The following WIPI2 variants were observed in gnomAD, a reference collection of about 807,000 sequenced individuals.
The protein encoded by WIPI2 is WD repeat domain, phosphoinositide interacting 2.
A neutral mutation model predicts 52.3 loss-of-function variants in WIPI2; 28 were observed. The observed-to-expected ratio is 0.54, with a 90% CI of 0.40 to 0.73. WIPI2 has a LOEUF of 0.73. Ranked by LOEUF, WIPI2 falls within the 30% of genes least tolerant of loss-of-function variation. WIPI2 has a pLI of 0.00. For synonymous variants in WIPI2, 268 were observed against 245.0 expected, an observed-to-expected ratio of 1.09 and a Z score of -0.88; for missense variants, 506 against 602.9, an observed-to-expected ratio of 0.84 and a Z score of 1.68.
chr7:5,228,532 G>T (rs1456045189), intron 11 of WIPI2, among the ~76,000 whole-genome samples: 4 of 152,220 alleles, frequency 2.6e-5, no homozygotes, highest in Non-Finnish European at 4.4e-5. Context: ...TTCCTCCCCA[G>T]GGTGGAGTTT....
intron 3 of WIPI2, among the ~76,000 whole-genome samples, chr7:5,207,557 C>A (rs1015715555): frequency 1.3e-5 from 2 of 152,060 alleles, no homozygotes; most frequent in Non-Finnish European, 2.9e-5. Flanking sequence ...CTTTGTAGTT[C>A]AGCTATTATG....
In WIPI2 at chr7:5,232,658, G is replaced by C; in HGVS notation, c.*1711G>C. ...GCCTTGACCCACGCCTGCGTCTTGT[G>C]GTGCAAGGCCAGAGGGCTCTCTCTA... On this transcript the variant is annotated 3_prime_UTR_variant, in exon 13 of 13. Coordinates refer to ENST00000288828, the MANE Select transcript of WIPI2 (RefSeq NM_015610.4). The C allele has an allele frequency of 4.5e-6, 1 of 223,364 alleles. No individual in the cohort carries two copies. The highest frequency in any genetic ancestry group is 8.7e-6 in the Non-Finnish European group (1 of 114,936). The allele number at this position is 223,364 out of a possible 1,614,324, so 13.8% of individuals were successfully genotyped here. A position where few individuals can be genotyped will look rare whatever the true frequency, so the allele number is the denominator to read the frequency against.
intron 1 of WIPI2, among the ~76,000 whole-genome samples, chr7:5,192,752 C>A (rs1010419364): frequency 6.6e-6 from 1 of 152,150 alleles, no homozygotes. Context: ...TAGAGAAGTT[C>A]CCGGAGAGAG....
At chr7:5,194,046 C>T (rs1346874535) in intron 2 of WIPI2, among the ~76,000 whole-genome samples, 2 of 152,212 alleles carry the variant, frequency 1.3e-5, no homozygotes, top group Non-Finnish European at 2.9e-5. Context: ...ACCCACAGGA[C>T]GTGCATCATG....
chr7:5,215,284 T>C (rs1450719760), intron 4 of WIPI2, among the ~76,000 whole-genome samples: 23 of 152,112 alleles, frequency 1.5e-4, no homozygotes, highest in Admixed American at 1.5e-3. Context: ...GCACTCCAGC[T>C]TGGGCAACAA....
chr7:5,210,681 G>GA (rs1204578454), intron 3 of WIPI2, among the ~76,000 whole-genome samples: 3 of 151,970 alleles, frequency 2.0e-5, no homozygotes, highest in Admixed American at 6.5e-5. Context: ...CCTATTCTTT[G>GA]AAAAAAAATA....
chr7:5,190,257 C>CATA lies in WIPI2; in HGVS notation c.-161_-159dup. 2.8e-6 allele frequency: 1 copy of CATA among 353,468 alleles called. No individual in the cohort carries two copies. Among genetic ancestry groups the CATA allele is most frequent in the Non-Finnish European group, 4.7e-6 (1 of 212,362 alleles). 21.9% of individuals were successfully genotyped at this position (353,468 alleles called of 1,614,324 possible). A position where few individuals can be genotyped will look rare whatever the true frequency, so the allele number is the denominator to read the frequency against. On this transcript the variant is annotated 5_prime_UTR_variant, in exon 1 of 13. Transcript: ENST00000288828. ...CGTACCGGGTGCCCCGGCTCTGGAGCATAAACAAGAGCGGGGACGGGATGA... is the reference window on the plus strand; with the variant it reads ...CGTACCGGGTGCCCCGGCTCTGGAGCATAATAAACAAGAGCGGGGACGGGATGA...
rs116475854 is a variant in WIPI2, at chr7:5,226,502, G to A, written c.848+572G>A. The A allele has an allele frequency of 2.5e-3, 379 of 153,972 alleles. 2 individuals carry two copies. Among genetic ancestry groups the A allele is most frequent in the African/African-American group, 8.4e-3 (347 of 41,534 alleles). 9.5% of individuals were successfully genotyped at this position (153,972 alleles called of 1,614,324 possible). On this transcript the variant is annotated intron_variant, in intron 9 of 12. Coordinates refer to ENST00000288828, the MANE Select transcript of WIPI2 (RefSeq NM_015610.4). ...CTCCTGAGTACCTGGGACTATAGGC[G>A]TGCACCATGCCTGGCTAATTTTTAA...
intron 4 of WIPI2, among the ~76,000 whole-genome samples, chr7:5,215,782 A>G (rs1483886635): frequency 6.8e-6 from 1 of 146,916 alleles, no homozygotes. Context: ...CAACTAATGT[A>G]GAGCTGGTCA....
intron 6 of WIPI2, chr7:5,217,444 A>G (rs1782872832): frequency 8.5e-6 from 4 of 472,040 alleles, no homozygotes; most frequent in African/African-American, 2.0e-5. Flanking sequence ...AGTTACAGTC[A>G]TGCAACACCA....
chr7:5,198,145 C>G (rs1454468033), intron 2 of WIPI2, among the ~76,000 whole-genome samples: 1 of 152,148 alleles, frequency 6.6e-6, no homozygotes, highest in Non-Finnish European at 1.5e-5. Context: ...CCTTTGATTC[C>G]AGACTCTAAG....
intron 3 of WIPI2, among the ~76,000 whole-genome samples, chr7:5,203,655 C>T (rs1199486800): frequency 2.8e-5 from 3 of 106,608 alleles, no homozygotes; most frequent in South Asian, 3.0e-4. Context: ...TTTTTTGAGA[C>T]GGAGTGTCGC....
At position 5,190,313 on chromosome 7, in the gene WIPI2, C is replaced by T. The variant is rs960217903; in HGVS notation, c.-107C>T. The T allele has an allele frequency of 1.3e-5, 9 of 684,840 alleles. No individual in the cohort carries two copies. Among genetic ancestry groups the T allele is most frequent in the African/African-American group, 1.9e-5 (1 of 52,316 alleles). 42.4% of individuals were successfully genotyped at this position (684,840 alleles called of 1,614,324 possible). A position where few individuals can be genotyped will look rare whatever the true frequency, so the allele number is the denominator to read the frequency against. ...CGGTTGATCCCAGGGTGGCGAGTGG[C>T]GGCGACCGAGGCGGCGAGCGGGGCC... On this transcript the variant is annotated 5_prime_UTR_variant, in exon 1 of 13. Coordinates refer to ENST00000288828, the MANE Select transcript of WIPI2 (RefSeq NM_015610.4).
chr7:5,223,195 C>T (rs568762812), intron 8 of WIPI2, among the ~76,000 whole-genome samples: 1 of 152,352 alleles, frequency 6.6e-6, no homozygotes, highest in African/African-American at 2.4e-5. Flanking sequence ...GGAGGCAGGA[C>T]TGTCCCTCCC....
Position 5,214,509 on chromosome 7 carries a change from G to C in WIPI2, c.212-26G>C, listed in dbSNP as rs553454488. ...GCCATAGCCATGTGGAGATGTTCAC[G>C]CATGTACTTCCCTTTGTGATTTCAG... is the stretch of plus-strand genomic sequence containing the variant. On this transcript the variant is annotated intron_variant, in intron 3 of 12. Coordinates refer to ENST00000288828, the MANE Select transcript of WIPI2 (RefSeq NM_015610.4). 5.8e-5 allele frequency: 94 copies of C among 1,614,192 alleles called. 1 individual carries two copies. In the South Asian group the frequency reaches 7.7e-4, roughly 13 times the overall value.
chr7:5,210,348 G>GA (rs1477693105), intron 3 of WIPI2, among the ~76,000 whole-genome samples: 3 of 152,212 alleles, frequency 2.0e-5, no homozygotes, highest in Non-Finnish European at 2.9e-5. Flanking sequence ...AGACTCAGGG[G>GA]ACGTGTCTCA....
intron 3 of WIPI2, among the ~76,000 whole-genome samples, chr7:5,211,611 A>G (rs924371972): frequency 1.3e-5 from 2 of 152,230 alleles, no homozygotes; most frequent in Non-Finnish European, 2.9e-5. Context: ...GAGCAGCCCT[A>G]TTTGGAAGTA....
At chr7:5,210,664 G>T (rs1254815607) in intron 3 of WIPI2, among the ~76,000 whole-genome samples, 1 of 152,196 alleles carries the variant, frequency 6.6e-6, no homozygotes, top group Non-Finnish European at 1.5e-5. Flanking sequence ...AAGCAAAGCA[G>T]TAAGAACCTA....
Position 5,190,379 on chromosome 7 carries a change from C to G in WIPI2, c.-41C>G, listed in dbSNP as rs1327827779. ...GTGCAGCCTGACCCGCCCTCGCGCG[C>G]GCGCCCTCCCCGGCCGGGCCCACTC... On this transcript the variant is annotated 5_prime_UTR_variant, in exon 1 of 13. Transcript: ENST00000288828. The G allele has an allele frequency of 3.8e-6, 5 of 1,313,102 alleles. No homozygotes were observed. The highest frequency in any genetic ancestry group is 3.1e-5 in the African/African-American group (2 of 64,136). The allele number at this position is 1,313,102 out of a possible 1,614,324, so 81.3% of individuals were successfully genotyped here. A position where few individuals can be genotyped will look rare whatever the true frequency, so the allele number is the denominator to read the frequency against.
Sources: gnomAD v4.1 joint callset for allele counts (sites outside exome capture counted in the v4.1 genomes callset) on GRCh38, gnomAD v4.1.1 for gene constraint, MANE v1.5 for transcripts, NCBI Gene and HGNC (gene_info 2026-07-23, HGNC 2026-07-21) for gene names.